The following GFM1 variants were observed in gnomAD, a reference collection of about 807,000 sequenced individuals.
The protein encoded by GFM1 is elongation factor G, mitochondrial.
Under a neutral mutation model 96.2 loss-of-function variants are expected in GFM1, and 62 were observed. The observed-to-expected ratio is 0.64, with a 90% CI of 0.53 to 0.80. GFM1 has a LOEUF of 0.80. Ranked by LOEUF, GFM1 falls within the 30% of genes least tolerant of loss-of-function variation. The pLI, the probability that GFM1 is intolerant of heterozygous loss-of-function variation, is 0.00. For missense variants in GFM1, 852 were observed against 916.6 expected (o/e 0.93, Z 0.91); for synonymous variants, 282 against 312.9 (o/e 0.90, Z 1.04).
At chr3:158,661,299 T>A (rs544098501) in intron 10 of GFM1, among the ~76,000 whole-genome samples, 1 of 152,320 alleles carries the variant, frequency 6.6e-6, no homozygotes, top group African/African-American at 2.4e-5. Flanking sequence ...CCCTGAGACC[T>A]GCTTCCACAC....
At chr3:158,654,745 G>C (rs1560131252) in intron 8 of GFM1, 114 bp downstream of exon 8, 2 of 759,374 alleles carry the variant, frequency 2.6e-6, no homozygotes, top group East Asian at 5.1e-5. Context: ...AAATAGGAAA[G>C]TAGAAAGAGC....
chr3:158,652,273 G>T, intron 6 of GFM1, 27 bp downstream of exon 6: 1 of 1,608,456 alleles, frequency 6.2e-7, no homozygotes. Flanking sequence ...TAAGTCTTAT[G>T]TTAACAACAA....
intron 5 of GFM1, 149 bp from the exon 6 acceptor site, chr3:158,651,947 A>G (rs1183578118): frequency 1.5e-6 from 1 of 678,058 alleles, no homozygotes; most frequent in Non-Finnish European, 2.6e-6. Context: ...TTAAAGGTAT[A>G]CATTAGTCTT....
intron 15 of GFM1, among the ~76,000 whole-genome samples, chr3:158,685,650 A>G (rs1415061730): frequency 6.6e-6 from 1 of 152,108 alleles, no homozygotes; most frequent in African/African-American, 2.4e-5. Flanking sequence ...CTTATGTTTC[A>G]GTTTCTCAGT....
Position 158,649,137 on chromosome 3 carries a change from C to CAAAA in GFM1, c.669_670insAAAA (p.Tyr224LysfsTer4). 2 of 1,437,958 alleles carry CAAAA rather than the reference C, an allele frequency of 1.4e-6. No homozygotes were observed. The highest frequency in any genetic ancestry group is 2.0e-6 in the Non-Finnish European group (2 of 1,020,852). The allele number at this position is 1,437,958 out of a possible 1,614,324, so 89.1% of individuals were successfully genotyped here. On this transcript the variant is annotated frameshift_variant, in exon 5 of 18. Coordinates refer to ENST00000486715, the MANE Select transcript of GFM1 (RefSeq NM_024996.7). LOFTEE classifies it high-confidence loss of function. ...TAGATCTTATTGAGGAACGAGCCAT[C>CAAAA]TATTTTGATGGAGACTTTGGGTAAG... is the stretch of plus-strand genomic sequence containing the variant.
Position 158,665,042 on chromosome 3 carries a change from C to T in GFM1, c.1381-295C>T, listed in dbSNP as rs568268572. Among the ~76,000 whole-genome samples, 87 of 152,236 alleles carry T rather than the reference C, an allele frequency of 5.7e-4. 1 individual carries two copies. The highest frequency in any genetic ancestry group is 2.1e-3 in the African/African-American group (86 of 41,546). ...ATTTCTGCTTTATGGGCAATTTTCA[C>T]AAAAGGACAGTGTGTCAATGTAAGA... On this transcript the variant is annotated intron_variant, in intron 11 of 17. Coordinates refer to ENST00000486715, the MANE Select transcript of GFM1 (RefSeq NM_024996.7).
At chr3:158,651,306 G>C (rs1435310615) in intron 5 of GFM1, among the ~76,000 whole-genome samples, 2 of 152,112 alleles carry the variant, frequency 1.3e-5, no homozygotes, top group Non-Finnish European at 1.5e-5. Context: ...CTGCTTACTA[G>C]AGATTGTTAT....
intron 14 of GFM1, among the ~76,000 whole-genome samples, chr3:158,683,886 C>G (rs1423126451): frequency 6.6e-6 from 1 of 152,078 alleles, no homozygotes; most frequent in African/African-American, 2.4e-5. Context: ...CATCTAAATG[C>G]CACGATAATA....
intron 13 of GFM1, chr3:158,672,699 C>A: frequency 2.1e-6 from 1 of 469,274 alleles, no homozygotes; most frequent in East Asian, 4.2e-5. Context: ...CTTCTGAGGC[C>A]CCGCCCCACT....
At position 158,646,281 on chromosome 3, in the gene GFM1, CATT is replaced by C. The variant is rs1721795941; in HGVS notation, c.354_356del (p.Ile119del). On this transcript the variant is annotated inframe_deletion, in exon 3 of 18. Coordinates refer to ENST00000486715, the MANE Select transcript of GFM1 (RefSeq NM_024996.7). ...CCATGTGGAAAGATGTCAATATTAA[CATT>C]ATAGATACTCCTGGTGAGTTGGATT... The C allele has an allele frequency of 6.2e-7, 1 of 1,613,958 alleles. No individual in the cohort carries two copies. The highest frequency in any genetic ancestry group is 1.3e-5 in the African/African-American group (1 of 74,918).
At chr3:158,653,150 T>C (rs559667353) in intron 6 of GFM1, among the ~76,000 whole-genome samples, 160 bp from the exon 7 acceptor site, 5 of 152,198 alleles carry the variant, frequency 3.3e-5, no homozygotes, top group Non-Finnish European at 7.3e-5. Flanking sequence ...TTTCTTTGTA[T>C]TTTGACCTTA....
At chr3:158,648,969 A>T in intron 4 of GFM1, 72 bp from the exon 5 acceptor site, 2 of 788,758 alleles carry the variant, frequency 2.5e-6, no homozygotes, top group Non-Finnish European at 4.6e-6. Flanking sequence ...ATTTTTTAAA[A>T]TATTCATTTT....
chr3:158,664,738 C>G (rs375205666), intron 11 of GFM1, among the ~76,000 whole-genome samples: 12 of 152,290 alleles, frequency 7.9e-5, no homozygotes, highest in African/African-American at 2.6e-4. Flanking sequence ...GCAAAGTCCC[C>G]TTTACTATGT....
chr3:158,645,914 C>A, intron 2 of GFM1, 133 bp downstream of exon 2: 1 of 926,176 alleles, frequency 1.1e-6, no homozygotes, highest in Non-Finnish European at 1.7e-6. Context: ...TTAGGCTTAT[C>A]TGAAAGTTGC....
chr3:158,683,746 GTTA>G (rs1560144298), intron 14 of GFM1, among the ~76,000 whole-genome samples: 1 of 152,108 alleles, frequency 6.6e-6, no homozygotes, highest in African/African-American at 2.4e-5. Flanking sequence ...TCTATGATGG[GTTA>G]TGAGTAATTG....
intron 15 of GFM1, among the ~76,000 whole-genome samples, chr3:158,687,285 A>G (rs531605035): frequency 6.6e-6 from 1 of 152,124 alleles, no homozygotes; most frequent in South Asian, 2.1e-4. Context: ...TGTTGGGATT[A>G]TAGGTGTGAG....
Position 158,650,140 on chromosome 3 carries a change from T to A in GFM1, c.689+983T>A, listed in dbSNP as rs945657174. The A allele has an allele frequency of 1.0e-5, 12 of 1,172,194 alleles. No homozygotes were observed. In the Admixed American group the frequency reaches 2.4e-4, roughly 23 times the overall value. 72.6% of individuals were successfully genotyped at this position (1,172,194 alleles called of 1,614,324 possible). ...TCTTGTAAGCAGGAAAAGGATGGAG[T>A]CTGTCCAGTGGATAAGGTGTTTCTC... On this transcript the variant is annotated intron_variant, in intron 5 of 17. Transcript: ENST00000486715.
At chr3:158,672,564 G>T in intron 13 of GFM1, 1 of 1,554,306 alleles carries the variant, frequency 6.4e-7, no homozygotes, top group Non-Finnish European at 8.8e-7. Context: ...CTTGCTGCTG[G>T]GTCCGGTTGC....
At position 158,645,682 on chromosome 3, in the gene GFM1, A is replaced by C. The variant is rs1721718046; in HGVS notation, c.135A>C (p.Lys45Asn). Reference protein sequence around the residue: ...WSSSGVIPNEKIRNIGISAHI... With the variant: ...WSSSGVIPNENIRNIGISAHI... ...CATCAGGGGTGATTCCTAATGAAAA[A>C]ATACGAAATATTGGAATCTCAGCTC... Residue 45 changes from lysine to asparagine, a missense_variant, in exon 2 of 18, where the codon AAA becomes AAC. Lys to Asn is a moderately conservative substitution (Grantham distance 94, BLOSUM62 0). Transcript: ENST00000486715. 6.2e-7 allele frequency: 1 copy of C among 1,612,306 alleles called. No homozygotes were observed. Among genetic ancestry groups the C allele is most frequent in the Admixed American group, 1.7e-5 (1 of 60,004 alleles).
Sources: allele counts gnomAD v4.1 joint callset (sites outside exome capture counted in the v4.1 genomes callset), GRCh38; gene constraint gnomAD v4.1.1; transcripts MANE v1.5; gene names NCBI Gene and HGNC (gene_info 2026-07-23, HGNC 2026-07-21).